The following NKAIN3 variants were observed in gnomAD, a reference collection of about 807,000 sequenced individuals.
NKAIN3 encodes the protein sodium/potassium transporting ATPase interacting 3, also known as sodium/potassium-transporting ATPase subunit beta-1-interacting protein 3.
NKAIN3 carries 25 observed loss-of-function variants against 30.2 expected under a neutral mutation model. That is an observed-to-expected ratio of 0.83 (90% CI 0.60 to 1.16). NKAIN3 has a LOEUF of 1.16. Ranked by LOEUF, NKAIN3 falls within the 50% of genes most tolerant of loss-of-function variation. The probability of loss-of-function intolerance (pLI) is 0.00; values close to 1 mark genes in which losing one functional copy is unlikely to be tolerated. For missense variants in NKAIN3, 225 were observed against 254.1 expected (o/e 0.89, Z 0.78); for synonymous variants, 91 against 89.6 (o/e 1.02, Z -0.09).
intron 1 of NKAIN3, among the ~76,000 whole-genome samples, chr8:62,440,802 G>A (rs1254505070): frequency 3.3e-5 from 5 of 152,012 alleles, no homozygotes; most frequent in Non-Finnish European, 7.4e-5. Context: ...GTAGCCATGG[G>A]CTGCCAGAGG....
At chr8:62,987,624 G>A (rs1304458324), downstream of NKAIN3, among the ~76,000 whole-genome samples, 1 of 152,094 alleles carries the variant, frequency 6.6e-6, no homozygotes, top group Non-Finnish European at 1.5e-5. Context: ...AGCACAGCAT[G>A]TGACAGACCT....
At chr8:62,895,885 T>A (rs974053596) in intron 4 of NKAIN3, among the ~76,000 whole-genome samples, 1 of 152,118 alleles carries the variant, frequency 6.6e-6, no homozygotes, top group Admixed American at 6.6e-5. Flanking sequence ...TGTCCTTGCT[T>A]CCAGTTTCCT....
intron 1 of NKAIN3, among the ~76,000 whole-genome samples, chr8:62,416,279 G>A (rs149502141): frequency 1.3e-3 from 192 of 152,150 alleles, no homozygotes; most frequent in African/African-American, 4.5e-3. Flanking sequence ...TAAAATAATG[G>A]CATTTTAGTT....
chr8:62,552,224 GA>G (rs1733770778), intron 1 of NKAIN3, among the ~76,000 whole-genome samples: 2 of 152,092 alleles, frequency 1.3e-5, no homozygotes, highest in African/African-American at 2.4e-5. Flanking sequence ...TTTATTTTAA[GA>G]AAATTTATTC....
intron 1 of NKAIN3, among the ~76,000 whole-genome samples, chr8:62,287,566 A>G (rs1813419833): frequency 6.6e-6 from 1 of 152,144 alleles, no homozygotes; most frequent in Admixed American, 6.6e-5. Flanking sequence ...TGCATATAAA[A>G]TAAGATCTCT....
intron 4 of NKAIN3, among the ~76,000 whole-genome samples, chr8:62,748,492 G>A (rs1816162353): frequency 6.6e-6 from 1 of 152,186 alleles, no homozygotes; most frequent in South Asian, 2.1e-4. Context: ...TCAGCCTGTA[G>A]TTAATGTGAG....
At chr8:62,812,969 T>A (rs908090834) in intron 4 of NKAIN3, among the ~76,000 whole-genome samples, 2 of 151,962 alleles carry the variant, frequency 1.3e-5, no homozygotes, top group Admixed American at 1.3e-4. Flanking sequence ...ACAGGTACTT[T>A]CCTCTAGGTT....
At position 62,671,886 on chromosome 8, in the gene NKAIN3, T is replaced by C. The variant is rs558216043; in HGVS notation, c.274-75046T>C. Among the ~76,000 whole-genome samples the C allele has an allele frequency of 3.9e-5, 6 of 152,190 alleles. No individual in the cohort carries two copies. In the South Asian group the frequency reaches 1.2e-3, roughly 32 times the overall value. ...CACATATCATCTATAGGAAGTTAAC[T>C]TACCTTTGTCCTCCAACTCCAAGAA... is the stretch of plus-strand genomic sequence containing the variant. On this transcript the variant is annotated intron_variant, in intron 3 of 6. Coordinates refer to ENST00000623646, the MANE Select transcript of NKAIN3 (RefSeq NM_001304533.3).
At chr8:62,765,991 C>A (rs1444711717) in intron 4 of NKAIN3, among the ~76,000 whole-genome samples, 1 of 152,200 alleles carries the variant, frequency 6.6e-6, no homozygotes, top group East Asian at 1.9e-4. Context: ...TGCTACTTTG[C>A]AAATTACTTG....
chr8:62,485,925 G>C (rs574049563), intron 1 of NKAIN3, among the ~76,000 whole-genome samples: 9 of 152,286 alleles, frequency 5.9e-5, no homozygotes, highest in African/African-American at 2.2e-4. Context: ...ATGGGGCGGG[G>C]CTGAGTGATG....
At chr8:62,947,348 T>C (rs1823154588) in intron 5 of NKAIN3, among the ~76,000 whole-genome samples, 1 of 152,214 alleles carries the variant, frequency 6.6e-6, no homozygotes, top group Non-Finnish European at 1.5e-5. Flanking sequence ...TGAATTAAAG[T>C]TCTAGTGAAG....
At chr8:62,913,511 A>C (rs1215174230) in intron 4 of NKAIN3, among the ~76,000 whole-genome samples, 1 of 152,224 alleles carries the variant, frequency 6.6e-6, no homozygotes, top group Non-Finnish European at 1.5e-5. Flanking sequence ...ACTCCATACT[A>C]TAATGCAGTT....
intron 1 of NKAIN3, among the ~76,000 whole-genome samples, chr8:62,304,282 G>T (rs531298545): frequency 6.6e-6 from 1 of 150,470 alleles, no homozygotes; most frequent in Admixed American, 6.6e-5. Flanking sequence ...AGTATAGCTT[G>T]GTGCAAGTGT....
chr8:62,283,919 T>C (rs1005540973), intron 1 of NKAIN3, among the ~76,000 whole-genome samples: 1 of 152,164 alleles, frequency 6.6e-6, no homozygotes, highest in East Asian at 1.9e-4. Flanking sequence ...AATTAATGTA[T>C]TGATTTAAAG....
chr8:62,742,004 C>T (rs935586113), intron 3 of NKAIN3, among the ~76,000 whole-genome samples: 1 of 151,968 alleles, frequency 6.6e-6, no homozygotes, highest in Non-Finnish European at 1.5e-5. Context: ...TTGATCATCA[C>T]GTATGTAAAG....
At chr8:62,590,553 A>C (rs1369624107) in intron 3 of NKAIN3, among the ~76,000 whole-genome samples, 1 of 151,908 alleles carries the variant, frequency 6.6e-6, no homozygotes, top group Non-Finnish European at 1.5e-5. Flanking sequence ...AAAAAGTATA[A>C]GAAAGCTGTC....
At chr8:62,543,208 G>A (rs1388620204) in intron 1 of NKAIN3, among the ~76,000 whole-genome samples, 1 of 152,142 alleles carries the variant, frequency 6.6e-6, no homozygotes, top group Non-Finnish European at 1.5e-5. Flanking sequence ...TGATGGTGTT[G>A]CTGCCTCAGA....
At chr8:62,906,001 T>C (rs1157199925) in intron 4 of NKAIN3, among the ~76,000 whole-genome samples, 1 of 152,192 alleles carries the variant, frequency 6.6e-6, no homozygotes, top group Admixed American at 6.6e-5. Context: ...AGGTAACTTC[T>C]TCCCCATCTC....
At chr8:62,815,799 C>A (rs896833286) in intron 4 of NKAIN3, among the ~76,000 whole-genome samples, 2 of 151,850 alleles carry the variant, frequency 1.3e-5, no homozygotes, top group Non-Finnish European at 2.9e-5. Context: ...CTTTATCCTG[C>A]TTGATCTAGT....
Sources: gnomAD v4.1 joint callset for allele counts (sites outside exome capture counted in the v4.1 genomes callset) on GRCh38, gnomAD v4.1.1 for gene constraint, MANE v1.5 for transcripts, NCBI Gene and HGNC (gene_info 2026-07-23, HGNC 2026-07-21) for gene names.